The following EPHA6 variants were observed in gnomAD, a reference collection of about 807,000 sequenced individuals.
EPHA6 encodes ephrin type-A receptor 6.
EPHA6 carries 50 observed loss-of-function variants against 112.0 expected under a neutral mutation model. The observed-to-expected ratio is 0.45, with a 90% confidence interval of 0.36 to 0.56. The LOEUF is 0.56. EPHA6 is among the 20% of genes least tolerant of loss of function. EPHA6 has a pLI of 0.00. For missense variants in EPHA6, 1,280 were observed against 1,417.4 expected (o/e 0.90, Z 1.56); for synonymous variants, 529 against 490.7 (o/e 1.08, Z -1.03).
chr3:96,929,970 T>C (rs2107652965), intron 2 of EPHA6, among the ~76,000 whole-genome samples: 1 of 152,300 alleles, frequency 6.6e-6, no homozygotes, highest in East Asian at 1.9e-4. Context: ...TAGAAAGATA[T>C]TCTCAGGCTG....
intron 7 of EPHA6, among the ~76,000 whole-genome samples, chr3:97,454,935 A>T (rs1327873054): frequency 6.6e-6 from 1 of 151,984 alleles, no homozygotes; most frequent in Non-Finnish European, 1.5e-5. Flanking sequence ...GAGTCTACCC[A>T]GAGGAGGACA....
intron 3 of EPHA6, among the ~76,000 whole-genome samples, chr3:97,139,254 C>A (rs188211258): frequency 6.6e-6 from 1 of 152,194 alleles, no homozygotes; most frequent in African/African-American, 2.4e-5. Flanking sequence ...AAAAATTTCA[C>A]TGCCACCAAC....
At chr3:97,415,381 G>A (rs568997117) in intron 6 of EPHA6, among the ~76,000 whole-genome samples, 1 of 152,076 alleles carries the variant, frequency 6.6e-6, no homozygotes, top group East Asian at 1.9e-4. Context: ...TTGTAATTCT[G>A]TCTTATCTAT....
At chr3:97,538,192 A>G (rs1398846601) in intron 11 of EPHA6, among the ~76,000 whole-genome samples, 1 of 152,178 alleles carries the variant, frequency 6.6e-6, no homozygotes, top group Non-Finnish European at 1.5e-5. Flanking sequence ...TAGTATTCCA[A>G]GTAAAAAATA....
Position 97,613,754 on chromosome 3 carries a change from GGCTGCCC to G in EPHA6, c.2574+2901_2574+2907del, listed in dbSNP as rs1035175431. On this transcript the variant is annotated intron_variant, in intron 13 of 17. Transcript: ENST00000389672. Reference sequence around the variant, plus strand: ...TTAGCAAGCAAATCATCAGCAGCCTGGCTGCCCAGAAGGCACAACTTCACCAATGTGC... The same window carrying G: ...TTAGCAAGCAAATCATCAGCAGCCTGAGAAGGCACAACTTCACCAATGTGC... Among the ~76,000 whole-genome samples the G allele has an allele frequency of 2.5e-3, 388 of 152,276 alleles. 4 individuals are homozygous for G. Among genetic ancestry groups the G allele is most frequent in the African/African-American group, 9.1e-3 (378 of 41,554 alleles).
At chr3:97,310,056 G>GTATATAACTC in intron 5 of EPHA6, among the ~76,000 whole-genome samples, 1 of 151,466 alleles carries the variant, frequency 6.6e-6, no homozygotes, top group East Asian at 1.9e-4. Flanking sequence ...TAGAAAACAG[G>GTATATAACTC]TTGATTATAT....
intron 14 of EPHA6, among the ~76,000 whole-genome samples, chr3:97,719,785 A>C (rs2034443187): frequency 6.6e-6 from 1 of 152,238 alleles, no homozygotes; most frequent in South Asian, 2.1e-4. Flanking sequence ...AACAAAGGGA[A>C]CAAATAAAAT....
chr3:97,283,310 TC>T (rs1167532311), intron 5 of EPHA6, among the ~76,000 whole-genome samples: 1 of 152,192 alleles, frequency 6.6e-6, no homozygotes, highest in African/African-American at 2.4e-5. Flanking sequence ...TAAATTATTA[TC>T]TTGCATGCAG....
At chr3:96,858,209 G>T (rs112411302) in intron 1 of EPHA6, among the ~76,000 whole-genome samples, 1,578 of 152,162 alleles carry the variant, frequency 0.01, 26 homozygotes, top group African/African-American at 0.036. Context: ...TACTCTTCTT[G>T]TCATATATAG....
chr3:97,271,069 A>G, intron 5 of EPHA6, among the ~76,000 whole-genome samples: 1 of 152,336 alleles, frequency 6.6e-6, no homozygotes, highest in Non-Finnish European at 1.5e-5. Context: ...ATTAGAGGGT[A>G]ATGAGTGATC....
chr3:97,234,837 T>A (rs2078634890), intron 4 of EPHA6, among the ~76,000 whole-genome samples: 1 of 152,100 alleles, frequency 6.6e-6, no homozygotes, highest in Non-Finnish European at 1.5e-5. Flanking sequence ...ATCTCAGTCT[T>A]CTCTCCTGAG....
chr3:97,307,749 A>C (rs7615379), intron 5 of EPHA6, among the ~76,000 whole-genome samples: 1 of 151,136 alleles, frequency 6.6e-6, no homozygotes, highest in Non-Finnish European at 1.5e-5. Flanking sequence ...GACAAAAAAA[A>C]ATATATATAT....
intron 11 of EPHA6, among the ~76,000 whole-genome samples, chr3:97,556,869 T>G (rs9862201): frequency 0.26 from 39,833 of 151,722 alleles, 7,795 homozygotes; most frequent in African/African-American, 0.54. Context: ...ATAAAACGAT[T>G]ATTTCTCTTA....
chr3:96,898,843 C>G (rs2038431288), intron 2 of EPHA6, among the ~76,000 whole-genome samples: 1 of 151,666 alleles, frequency 6.6e-6, no homozygotes, highest in African/African-American at 2.4e-5. Context: ...TCCTGGCTAA[C>G]ACGGTGAAAC....
At chr3:97,672,586 C>T (rs2030957368) in intron 14 of EPHA6, among the ~76,000 whole-genome samples, 1 of 151,768 alleles carries the variant, frequency 6.6e-6, no homozygotes, top group South Asian at 2.1e-4. Context: ...TGGAAGTGTC[C>T]TGTTGTATTT....
intron 3 of EPHA6, among the ~76,000 whole-genome samples, chr3:97,048,641 A>C (rs1003882454): frequency 6.6e-6 from 1 of 152,192 alleles, no homozygotes; most frequent in Admixed American, 6.5e-5. Flanking sequence ...GAAAAACCAC[A>C]GGGGTCATTA....
At chr3:97,262,711 T>G (rs2108622392) in intron 5 of EPHA6, among the ~76,000 whole-genome samples, 1 of 152,300 alleles carries the variant, frequency 6.6e-6, no homozygotes, top group East Asian at 1.9e-4. Context: ...CTCATTTCAT[T>G]CTCTGCCTTC....
intron 3 of EPHA6, among the ~76,000 whole-genome samples, chr3:97,130,878 G>C (rs1386977403): frequency 6.6e-6 from 1 of 152,088 alleles, no homozygotes; most frequent in East Asian, 1.9e-4. Context: ...ATCCTAGTGA[G>C]AAGAGCTAAA....
intron 2 of EPHA6, among the ~76,000 whole-genome samples, chr3:96,979,450 T>G (rs941265185): frequency 2.6e-5 from 4 of 152,182 alleles, no homozygotes; most frequent in Non-Finnish European, 5.9e-5. Flanking sequence ...CAGTCTATCA[T>G]TGATGGACAT....
Sources: allele counts gnomAD v4.1 joint callset (sites outside exome capture counted in the v4.1 genomes callset), GRCh38; gene constraint gnomAD v4.1.1; transcripts MANE v1.5; gene names NCBI Gene and HGNC (gene_info 2026-07-23, HGNC 2026-07-21).